Variants in GLCE observed in about 807,000 individuals in gnomAD.
GLCE encodes glucuronic acid epimerase, also known as D-glucuronyl C5-epimerase.
Under a neutral mutation model 47.9 loss-of-function variants are expected in GLCE, and 19 were observed. The ratio of observed to expected loss-of-function variants is 0.40; its 90% confidence interval spans 0.28 to 0.58. The LOEUF is 0.58. Among genes scored for constraint, GLCE ranks in the 20% least tolerant of loss-of-function variants. GLCE has a pLI of 0.48. For missense variants in GLCE, 556 were observed against 743.3 expected (o/e 0.75, Z 2.93); for synonymous variants, 245 against 263.4 (o/e 0.93, Z 0.68).
Position 69,163,252 on chromosome 15 carries a change from G to A in GLCE, c.-105+2495G>A, listed in dbSNP as rs375100604. Among the ~76,000 whole-genome samples the A allele has an allele frequency of 5.9e-5, 9 of 152,196 alleles. No individual in the cohort carries two copies. In the South Asian group the frequency reaches 1.9e-3, roughly 32 times the overall value. On this transcript the variant is annotated intron_variant, in intron 1 of 4. Transcript: ENST00000261858. Reference sequence around the variant, plus strand: ...AAAAAGCAGCTTTCATCATTTCTAAGTAAGGCATAGACTGATAAGTCAACA... The same window carrying A: ...AAAAAGCAGCTTTCATCATTTCTAAATAAGGCATAGACTGATAAGTCAACA...
At chr15:69,241,202 GT>G in intron 2 of GLCE, among the ~76,000 whole-genome samples, 2 of 152,244 alleles carry the variant, frequency 1.3e-5, no homozygotes, top group East Asian at 3.9e-4. Context: ...ACATCGGCTT[GT>G]TCTTGCCATT....
chr15:69,184,155 A>C (rs1032055784), intron 1 of GLCE, among the ~76,000 whole-genome samples: 19 of 152,236 alleles, frequency 1.2e-4, no homozygotes, highest in African/African-American at 4.6e-4. Context: ...GGAATTTTTC[A>C]TAAGAATGAA....
At chr15:69,263,120 C>T (rs576981035) in intron 4 of GLCE, among the ~76,000 whole-genome samples, 33 of 152,200 alleles carry the variant, frequency 2.2e-4, no homozygotes, top group Middle Eastern at 3.4e-3. Flanking sequence ...GATTTTGGAG[C>T]ATTTCAGATT....
chr15:69,227,445 T>C (rs2052465383), intron 2 of GLCE, among the ~76,000 whole-genome samples: 1 of 152,174 alleles, frequency 6.6e-6, no homozygotes, highest in East Asian at 1.9e-4. Flanking sequence ...GCTTTCTAAG[T>C]ATGCACAAAA....
chr15:69,208,730 T>C (rs2052185296), intron 1 of GLCE, among the ~76,000 whole-genome samples: 1 of 152,080 alleles, frequency 6.6e-6, no homozygotes, highest in Admixed American at 6.6e-5. Flanking sequence ...ATCTTTACAA[T>C]GTTGAGCTTT....
At chr15:69,261,549 C>T (rs189433006) in intron 4 of GLCE, among the ~76,000 whole-genome samples, 1 of 152,204 alleles carries the variant, frequency 6.6e-6, no homozygotes, top group East Asian at 1.9e-4. Flanking sequence ...AGAGCCAAGC[C>T]ATAGATTGAA....
intron 1 of GLCE, among the ~76,000 whole-genome samples, chr15:69,198,543 C>G (rs1173198264): frequency 6.6e-6 from 1 of 152,074 alleles, no homozygotes; most frequent in Non-Finnish European, 1.5e-5. Context: ...GGCCAGAGGC[C>G]TCCCTTGGAC....
intron 1 of GLCE, among the ~76,000 whole-genome samples, chr15:69,194,137 T>C (rs1330732981): frequency 6.6e-6 from 1 of 152,152 alleles, no homozygotes; most frequent in Non-Finnish European, 1.5e-5. Flanking sequence ...TCTCCCTACC[T>C]AGGCCAGATT....
At chr15:69,259,801 C>G (rs2052986099) in intron 3 of GLCE, among the ~76,000 whole-genome samples, 1 of 152,172 alleles carries the variant, frequency 6.6e-6, no homozygotes, top group South Asian at 2.1e-4. Flanking sequence ...GGAGATCCCC[C>G]TCTTGGAGGA....
intron 1 of GLCE, among the ~76,000 whole-genome samples, chr15:69,170,783 A>G (rs189128516): frequency 7.5e-4 from 114 of 152,348 alleles, no homozygotes; most frequent in Admixed American, 7.4e-3. Flanking sequence ...TCTGTAAGAC[A>G]AGTGGCCTTA....
intron 1 of GLCE, among the ~76,000 whole-genome samples, chr15:69,200,713 G>A (rs111642477): frequency 1.3e-5 from 2 of 152,188 alleles, no homozygotes; most frequent in South Asian, 2.1e-4. Flanking sequence ...GAGTAGAAGC[G>A]ATAAGGGGCA....
intron 4 of GLCE, among the ~76,000 whole-genome samples, chr15:69,263,438 T>A (rs1368909746): frequency 6.6e-6 from 1 of 152,052 alleles, no homozygotes; most frequent in East Asian, 1.9e-4. Context: ...TTTTTTTTTT[T>A]CTTTCTTGGC....
intron 2 of GLCE, among the ~76,000 whole-genome samples, chr15:69,246,144 T>C (rs1166360270): frequency 6.6e-6 from 1 of 152,214 alleles, no homozygotes; most frequent in Admixed American, 6.5e-5. Flanking sequence ...CAGACTCTAC[T>C]TCTAATTCTG....
At position 69,255,986 on chromosome 15, in the gene GLCE, G is replaced by A; in HGVS notation, c.180G>A (p.Glu60=). 1 of 1,614,044 alleles carries A rather than the reference G, an allele frequency of 6.2e-7. No individual in the cohort carries two copies. The highest frequency in any genetic ancestry group is 8.5e-7 in the Non-Finnish European group (1 of 1,179,988). Reference sequence around the variant, plus strand: ...TTGAAAAAAGAGCAGCAGCATCTGAGAGTAACAACTATATGAACCACGTGG... The same window carrying A: ...TTGAAAAAAGAGCAGCAGCATCTGAAAGTAACAACTATATGAACCACGTGG... ...DGFEKRAAAS[E]SNNYMNHVAK... The change falls in exon 3 of 5, where the codon GAG becomes GAA. Residue 60 remains glutamate, a synonymous_variant. Transcript: ENST00000261858.
chr15:69,180,327 T>C (rs947932019), intron 1 of GLCE, among the ~76,000 whole-genome samples: 12 of 152,108 alleles, frequency 7.9e-5, no homozygotes, highest in African/African-American at 2.4e-4. Context: ...TGTAAGTACC[T>C]CAGTGAACAA....
intron 2 of GLCE, among the ~76,000 whole-genome samples, chr15:69,239,556 A>G (rs2052638197): frequency 1.3e-5 from 2 of 152,254 alleles, no homozygotes; most frequent in South Asian, 4.1e-4. Context: ...CTCTAACCCC[A>G]CATCTAGTTA....
chr15:69,187,284 AT>A (rs148757523), intron 1 of GLCE, among the ~76,000 whole-genome samples: 1,861 of 151,996 alleles, frequency 0.012, 28 homozygotes, highest in African/African-American at 0.038. Flanking sequence ...ATCTTACCAT[AT>A]TTTTTTTCTT....
chr15:69,211,260 G>T (rs1945781562), intron 2 of GLCE, among the ~76,000 whole-genome samples: 1 of 151,978 alleles, frequency 6.6e-6, no homozygotes, highest in African/African-American at 2.4e-5. Flanking sequence ...AAGTTTATAT[G>T]ATAAAGGTCA....
At chr15:69,232,569 A>G (rs903920950) in intron 2 of GLCE, among the ~76,000 whole-genome samples, 1 of 152,186 alleles carries the variant, frequency 6.6e-6, no homozygotes, top group African/African-American at 2.4e-5. Flanking sequence ...TGTCTAAAAT[A>G]TTTCAAGTAC....
Sources: gnomAD v4.1 joint callset for allele counts (sites outside exome capture counted in the v4.1 genomes callset) on GRCh38, gnomAD v4.1.1 for gene constraint, MANE v1.5 for transcripts, NCBI Gene and HGNC (gene_info 2026-07-23, HGNC 2026-07-21) for gene names.